NAT8L: variants seen among roughly 807,000 people sequenced by gnomAD.
NAT8L encodes aspartate N-acetyltransferase.
In NAT8L, 6 loss-of-function variants were observed where a neutral mutation model predicts 21.2. The ratio of observed to expected loss-of-function variants is 0.28; its 90% CI spans 0.16 to 0.56. The LOEUF is 0.56. NAT8L is among the 20% of genes least tolerant of loss of function. The pLI is 0.93. For missense variants in NAT8L, 331 were observed against 433.3 expected (o/e 0.76, Z 2.10); for synonymous variants, 239 against 204.9 (o/e 1.17, Z -1.42).
Position 2,068,528 on chromosome 4 carries a change from T to C in NAT8L, c.*4401T>C, listed in dbSNP as rs1391162642. On this transcript the variant is annotated 3_prime_UTR_variant, in exon 3 of 3. Transcript: ENST00000423729. ...TGTGTGTACTTTGTGTGTGGGCATG[T>C]ATGCGTATGAGTACTTGTGTGTGGC... The C allele has an allele frequency of 6.6e-6, 1 of 152,386 alleles. No individual in the cohort carries two copies. Among genetic ancestry groups the C allele is most frequent in the African/African-American group, 2.4e-5 (1 of 41,432 alleles). 9.4% of individuals were successfully genotyped at this position (152,386 alleles called of 1,614,324 possible).
Position 2,060,903 on chromosome 4 carries a change from G to C in NAT8L, c.377-95G>C, listed in dbSNP as rs373719111. ...CCCCGGCTCCTCCACCAGGAGCGCG[G>C]CCGGGCGCGGCGTCCCTAGCGGGCT... On this transcript the variant is annotated intron_variant, in intron 1 of 2. Transcript: ENST00000423729. The surrounding 1 kb of genome is among the most constrained non-coding windows in gnomAD (Gnocchi z 4.7). 7.2e-6 allele frequency: 4 copies of C among 551,882 alleles called. No individual in the cohort carries two copies. The highest frequency in any genetic ancestry group is 7.5e-5 in the East Asian group (2 of 26,702). The allele number at this position is 551,882 out of a possible 1,614,324, so 34.2% of individuals were successfully genotyped here. A position where few individuals can be genotyped will look rare whatever the true frequency, so the allele number is the denominator to read the frequency against.
Position 2,060,847 on chromosome 4 carries a change from A to C in NAT8L, c.377-151A>C. 1 of 439,326 alleles carries C rather than the reference A, an allele frequency of 2.3e-6. No homozygotes were observed. The allele number at this position is 439,326 out of a possible 1,614,324, so 27.2% of individuals were successfully genotyped here. Reference sequence around the variant, plus strand: ...CTGTCTTCACCGCAGGAAGCTTGGAAATAGGGAGAAGTAGAAAGCACCCGA... The same window carrying C: ...CTGTCTTCACCGCAGGAAGCTTGGACATAGGGAGAAGTAGAAAGCACCCGA... On this transcript the variant is annotated intron_variant, in intron 1 of 2. Coordinates refer to ENST00000423729, the MANE Select transcript of NAT8L (RefSeq NM_178557.4). This position sits in a 1 kb window ranked among gnomAD's most constrained non-coding sequence, Gnocchi z 4.7.
At chr4:2,062,624 C>G (rs538763407) in intron 2 of NAT8L, among the ~76,000 whole-genome samples, 27 of 152,158 alleles carry the variant, frequency 1.8e-4, no homozygotes, top group African/African-American at 2.2e-4. Context: ...GGCTCCCCCC[C>G]ACGCTGCTTC....
chr4:2,059,696 A>C lies in NAT8L; in HGVS notation c.185A>C (p.Gln62Pro), dbSNP rs1161463474. The change falls in exon 1 of 3, where the codon CAG (glutamine) becomes CCG (proline). Residue 62 changes from glutamine to proline, a missense_variant. Physicochemically the swap from Gln to Pro is moderately conservative, Grantham distance 76 (BLOSUM62 -1). This residue lies in a region of NAT8L where 199 missense variants were observed against 196.1 expected (regional missense o/e 1.01). Transcript: ENST00000423729. This position sits in a 1 kb window ranked among gnomAD's most constrained non-coding sequence, Gnocchi z 4.8. The part of the protein sequence containing the change: ...PPAPPPAPVA[Q>P]PHGGAGGAGP... ...GCGCCCCCACCTGCCCCGGTGGCTC[A>C]GCCTCACGGCGGGGCGGGGGGCGCG... is the stretch of plus-strand genomic sequence containing the variant. 1 of 1,055,464 alleles carries C rather than the reference A, an allele frequency of 9.5e-7. No homozygotes were observed. The highest frequency in any genetic ancestry group is 1.1e-6 in the Non-Finnish European group (1 of 877,916). 65.4% of individuals were successfully genotyped at this position (1,055,464 alleles called of 1,614,324 possible). A position where few individuals can be genotyped will look rare whatever the true frequency, so the allele number is the denominator to read the frequency against.
rs1729935638 is a variant in NAT8L, at chr4:2,063,746, C to T, written c.542-14C>T. 1 of 1,610,080 alleles carries T rather than the reference C, an allele frequency of 6.2e-7. No homozygotes were observed. Among genetic ancestry groups the T allele is most frequent in the Non-Finnish European group, 8.5e-7 (1 of 1,179,820 alleles). ...TTCCTCACCGGGTGTCCCTGACCGC[C>T]CTATCCCCTGCAGGCTCCTGCTTCT... On this transcript the variant is annotated splice_polypyrimidine_tract_variant and intron_variant, in intron 2 of 2. Transcript: ENST00000423729.
chr4:2,063,047 CGAG>C (rs1729923840), intron 2 of NAT8L, among the ~76,000 whole-genome samples: 1 of 152,262 alleles, frequency 6.6e-6, no homozygotes, highest in African/African-American at 2.4e-5. Context: ...GTGCCTGACT[CGAG>C]GTGAGAATTG....
chr4:2,064,212 ACG>A lies in NAT8L; in HGVS notation c.*87_*88del. On this transcript the variant is annotated 3_prime_UTR_variant, in exon 3 of 3. Coordinates refer to ENST00000423729, the MANE Select transcript of NAT8L (RefSeq NM_178557.4). ...GCCGCCCGGCGCGGCCTGCTTTCAG[ACG>A]CTCAATTGGCGTTTGTGTTGGGTTT... is the stretch of plus-strand genomic sequence containing the variant. 1 of 1,001,092 alleles carries A rather than the reference ACG, an allele frequency of 1.0e-6. No homozygotes were observed. The highest frequency in any genetic ancestry group is 1.3e-6 in the Non-Finnish European group (1 of 799,494). The allele number at this position is 1,001,092 out of a possible 1,614,324, so 62.0% of individuals were successfully genotyped here.
chr4:2,068,441 A>C lies in NAT8L; in HGVS notation c.*4314A>C, dbSNP rs1312372756. 1 of 152,192 alleles carries C rather than the reference A, an allele frequency of 6.6e-6. No individual in the cohort carries two copies. Among genetic ancestry groups the C allele is most frequent in the Non-Finnish European group, 1.5e-5 (1 of 68,052 alleles). The allele number at this position is 152,192 out of a possible 1,614,324, so 9.4% of individuals were successfully genotyped here. A position where few individuals can be genotyped will look rare whatever the true frequency, so the allele number is the denominator to read the frequency against. ...ATGTGTGATGCGCATGTTCTTGTGT[A>C]CTTCTCTGAGGGGGCACATATGTAT... On this transcript the variant is annotated 3_prime_UTR_variant, in exon 3 of 3. Coordinates refer to ENST00000423729, the MANE Select transcript of NAT8L (RefSeq NM_178557.4).
At position 2,064,087 on chromosome 4, in the gene NAT8L, T is replaced by TCCGCTACCA. The variant is rs1419404764; in HGVS notation, c.878_886dup (p.His293_Tyr295dup). ...CTGGCTGAGCGCCTCTTCTTCCAGG[T>TCCGCTACCA]CCGCTACCACCGCTACCGCCTGCAG... On this transcript the variant is annotated inframe_insertion, in exon 3 of 3. Transcript: ENST00000423729. 6.2e-7 allele frequency: 1 copy of TCCGCTACCA among 1,605,238 alleles called. No homozygotes were observed.
At position 2,060,128 on chromosome 4, in the gene NAT8L, C is replaced by T. The variant is rs1729824673; in HGVS notation, c.376+241C>T. ...CACCTGCGTCCCCGCCGCGCAGCCC[C>T]CCACCCCCACCGCCTCCCCTGTCCC... On this transcript the variant is annotated intron_variant, in intron 1 of 2. Coordinates refer to ENST00000423729, the MANE Select transcript of NAT8L (RefSeq NM_178557.4). This position sits in a 1 kb window ranked among gnomAD's most constrained non-coding sequence, Gnocchi z 4.7. 6.6e-6 allele frequency among the ~76,000 whole-genome samples: 1 copy of T among 152,026 alleles called. No individual in the cohort carries two copies. Among genetic ancestry groups the T allele is most frequent in the South Asian group, 2.1e-4 (1 of 4,838 alleles).
rs1398319025 is a variant in NAT8L, at chr4:2,064,613, A to C, written c.*486A>C. ...TGGCCCGGCTGAGCATGCCGCATGCACACAGCCCCGCCCTGCCGCCCTGCC... is the reference window on the plus strand; with the variant it reads ...TGGCCCGGCTGAGCATGCCGCATGCCCACAGCCCCGCCCTGCCGCCCTGCC... On this transcript the variant is annotated 3_prime_UTR_variant, in exon 3 of 3. Transcript: ENST00000423729. 1 of 153,036 alleles carries C rather than the reference A, an allele frequency of 6.5e-6. No individual in the cohort carries two copies. Among genetic ancestry groups the C allele is most frequent in the Non-Finnish European group, 1.5e-5 (1 of 68,952 alleles). The allele number at this position is 153,036 out of a possible 1,614,324, so 9.5% of individuals were successfully genotyped here. A position where few individuals can be genotyped will look rare whatever the true frequency, so the allele number is the denominator to read the frequency against.
At position 2,063,900 on chromosome 4, in the gene NAT8L, C is replaced by T. The variant is rs1729939505; in HGVS notation, c.682C>T (p.Leu228=). 1.2e-6 allele frequency: 2 copies of T among 1,612,388 alleles called. No individual in the cohort carries two copies. Among genetic ancestry groups the T allele is most frequent in the South Asian group, 2.2e-5 (2 of 91,080 alleles). The change falls in exon 3 of 3, where the codon CTG becomes TTG. Residue 228 remains leucine, a synonymous_variant. Transcript: ENST00000423729. Reference sequence around the variant, plus strand: ...CCGAGGCAAGGGCATCGCCAAGGCGCTGGGCCGGAAGGTGCTGGAGTTCGC... The same window carrying T: ...CCGAGGCAAGGGCATCGCCAAGGCGTTGGGCCGGAAGGTGCTGGAGTTCGC... The part of the protein sequence containing the change: ...RFRGKGIAKA[L]GRKVLEFAVV...
In NAT8L at chr4:2,059,947, C is replaced by T; in HGVS notation, c.376+60C>T. 2.0e-6 allele frequency: 2 copies of T among 1,018,152 alleles called. No homozygotes were observed. Among genetic ancestry groups the T allele is most frequent in the Non-Finnish European group, 2.4e-6 (2 of 820,092 alleles). 63.1% of individuals were successfully genotyped at this position (1,018,152 alleles called of 1,614,324 possible). ...TCGGGCCGGCGCGGAGCTCCCCCGCCCCGGCGTCCACGCGGACCCCGCGCC... is the reference window on the plus strand; with the variant it reads ...TCGGGCCGGCGCGGAGCTCCCCCGCTCCGGCGTCCACGCGGACCCCGCGCC... On this transcript the variant is annotated intron_variant, in intron 1 of 2. Coordinates refer to ENST00000423729, the MANE Select transcript of NAT8L (RefSeq NM_178557.4). This position sits in a 1 kb window ranked among gnomAD's most constrained non-coding sequence, Gnocchi z 4.8.
chr4:2,064,921 G>A lies in NAT8L; in HGVS notation c.*794G>A, dbSNP rs980112034. On this transcript the variant is annotated 3_prime_UTR_variant, in exon 3 of 3. Transcript: ENST00000423729. ...GGGACCCCTCTCCCCAGTGCCCACT[G>A]GATCGTGCTGGCCTCTCCCAGATGT... 1 of 152,516 alleles carries A rather than the reference G, an allele frequency of 6.6e-6. No homozygotes were observed. The highest frequency in any genetic ancestry group is 1.5e-5 in the Non-Finnish European group (1 of 68,110). 9.4% of individuals were successfully genotyped at this position (152,516 alleles called of 1,614,324 possible). A position where few individuals can be genotyped will look rare whatever the true frequency, so the allele number is the denominator to read the frequency against.
rs934583303 is a variant in NAT8L, at chr4:2,059,621, C to T, written c.110C>T (p.Ala37Val). ...GACGCGCTGCTCGCCGCCGCCGGCG[C>T]CATGTGGCCCCCGCTGCCCGCCGCG... ...KKDALLAAAG[A>V]MWPPLPAAPG... The change falls in exon 1 of 3, where the codon GCC (alanine) becomes GTC (valine). Residue 37 changes from alanine to valine, a missense_variant. Physicochemically the swap from Ala to Val is moderately conservative, Grantham distance 64 (BLOSUM62 0). Transcript: ENST00000423729. This position sits in a 1 kb window ranked among gnomAD's most constrained non-coding sequence, Gnocchi z 4.8. 10 of 978,388 alleles carry T rather than the reference C, an allele frequency of 1.0e-5. No homozygotes were observed. The highest frequency in any genetic ancestry group is 4.8e-4 in the Middle Eastern group (1 of 2,098). The allele number at this position is 978,388 out of a possible 1,614,324, so 60.6% of individuals were successfully genotyped here. A position where few individuals can be genotyped will look rare whatever the true frequency, so the allele number is the denominator to read the frequency against.
At position 2,060,845 on chromosome 4, in the gene NAT8L, G is replaced by A. The variant is rs993264862; in HGVS notation, c.377-153G>A. On this transcript the variant is annotated intron_variant, in intron 1 of 2. Coordinates refer to ENST00000423729, the MANE Select transcript of NAT8L (RefSeq NM_178557.4). The surrounding 1 kb of genome is among the most constrained non-coding windows in gnomAD (Gnocchi z 4.7). The stretch of plus-strand genomic sequence containing the variant: ...GGCTGTCTTCACCGCAGGAAGCTTG[G>A]AAATAGGGAGAAGTAGAAAGCACCC... Among the ~76,000 whole-genome samples the A allele has an allele frequency of 3.9e-5, 6 of 152,150 alleles. No individual in the cohort carries two copies. The highest frequency in any genetic ancestry group is 8.8e-5 in the Non-Finnish European group (6 of 67,998).
rs570208618 is a variant in NAT8L at position 2,061,707 on chromosome 4, AG to A, written c.541+552del. Reference sequence around the variant, plus strand: ...GCTGGAGGAGCTGGGTCTGGGCTCTAGGGGGGGTGGGGGTTGTTCTCCACCC... The same window carrying A: ...GCTGGAGGAGCTGGGTCTGGGCTCTAGGGGGGTGGGGGTTGTTCTCCACCC... On this transcript the variant is annotated intron_variant, in intron 2 of 2. Transcript: ENST00000423729. Among the ~76,000 whole-genome samples, 384 of 146,272 alleles carry A rather than the reference AG, an allele frequency of 2.6e-3. 2 individuals carry two copies. The highest frequency in any genetic ancestry group is 9.0e-3 in the African/African-American group (353 of 39,380).
chr4:2,066,267 G>C lies in NAT8L; in HGVS notation c.*2140G>C, dbSNP rs1193420474. The C allele has an allele frequency of 6.6e-6, 1 of 152,294 alleles. No individual in the cohort carries two copies. 9.4% of individuals were successfully genotyped at this position (152,294 alleles called of 1,614,324 possible). On this transcript the variant is annotated 3_prime_UTR_variant, in exon 3 of 3. Coordinates refer to ENST00000423729, the MANE Select transcript of NAT8L (RefSeq NM_178557.4). ...CTTCTCTCATTCTGGTGGCATCTGCGCCCGTGAGTGACCTCTTCCTTGGCT... is the reference window on the plus strand; with the variant it reads ...CTTCTCTCATTCTGGTGGCATCTGCCCCCGTGAGTGACCTCTTCCTTGGCT...
intron 2 of NAT8L, among the ~76,000 whole-genome samples, chr4:2,062,292 G>C (rs560592070): frequency 6.6e-6 from 1 of 152,292 alleles, no homozygotes; most frequent in Non-Finnish European, 1.5e-5. Context: ...AGTCTTGGGA[G>C]GAGTGAGGTG....
Sources: gnomAD v4.1 joint callset for allele counts (sites outside exome capture counted in the v4.1 genomes callset) on GRCh38, gnomAD v4.1.1 for gene constraint, gnomAD v4.1.1 regional missense constraint, Gnocchi (gnomAD v3.1) non-coding constraint, MANE v1.5 for transcripts, NCBI Gene and HGNC (gene_info 2026-07-23, HGNC 2026-07-21) for gene names.